Variants in SERPINE2 observed in about 807,000 individuals in gnomAD.
The protein encoded by SERPINE2 is serpin family E member 2, also known as glia-derived nexin.
In SERPINE2, 14 loss-of-function variants were observed where a neutral mutation model predicts 36.3. The observed-to-expected ratio is 0.39, with a 90% confidence interval of 0.25 to 0.60. The LOEUF (loss-of-function observed/expected upper bound fraction) is 0.60. Ranked by LOEUF, SERPINE2 falls within the 20% of genes least tolerant of loss-of-function variation. SERPINE2 has a pLI of 0.57. For missense variants in SERPINE2, 418 were observed against 499.6 expected (o/e 0.84, Z 1.56); for synonymous variants, 192 against 191.8 (o/e 1.00, Z -0.01).
chr2:223,997,665 G>A (rs1299195131), intron 3 of SERPINE2, among the ~76,000 whole-genome samples: 2 of 152,158 alleles, frequency 1.3e-5, no homozygotes, highest in Non-Finnish European at 2.9e-5. Flanking sequence ...CAATCATAAC[G>A]GACAACAGGG....
chr2:224,038,328 T>C (rs914957706), intron 1 of SERPINE2, among the ~76,000 whole-genome samples: 3 of 152,002 alleles, frequency 2.0e-5, no homozygotes, highest in Non-Finnish European at 2.9e-5. Context: ...AAAGAATGTG[T>C]TTCGTTCATT....
intron 1 of SERPINE2, among the ~76,000 whole-genome samples, chr2:224,037,395 G>A (rs1692569037): frequency 6.6e-6 from 1 of 152,206 alleles, no homozygotes; most frequent in Non-Finnish European, 1.5e-5. Context: ...CGGGTTGGAG[G>A]CACTAAGAGT....
chr2:224,028,825 GAT>G (rs1692270310), intron 1 of SERPINE2, among the ~76,000 whole-genome samples: 1 of 152,152 alleles, frequency 6.6e-6, no homozygotes, highest in Non-Finnish European at 1.5e-5. Context: ...AAAAGAATAA[GAT>G]ACTCCACTTG....
At chr2:223,995,647 T>C (rs988336618) in intron 3 of SERPINE2, among the ~76,000 whole-genome samples, 4 of 152,232 alleles carry the variant, frequency 2.6e-5, no homozygotes, top group Non-Finnish European at 5.9e-5. Context: ...TGCATCCTTT[T>C]CATGTATGCT....
chr2:224,001,945 A>G (rs778542581), intron 1 of SERPINE2, 23 bp from the exon 2 acceptor site: 5 of 1,577,676 alleles, frequency 3.2e-6, no homozygotes, highest in South Asian at 2.3e-5. Flanking sequence ...GTTAAAAAAT[A>G]TTTAAATTAT....
chr2:223,992,152 T>G (rs997343672), intron 3 of SERPINE2, 152 bp from the exon 4 acceptor site: 2 of 651,018 alleles, frequency 3.1e-6, no homozygotes, highest in Non-Finnish European at 5.2e-6. Flanking sequence ...TTTTGTACTT[T>G]CTAGGTTCCC....
intron 4 of SERPINE2, among the ~76,000 whole-genome samples, chr2:223,989,525 C>T (rs960140954): frequency 1.3e-5 from 2 of 152,190 alleles, no homozygotes; most frequent in Admixed American, 6.5e-5. Context: ...CTTGGGGACA[C>T]CACAAATGGC....
At chr2:224,016,781 C>T (rs1664305714) in intron 1 of SERPINE2, among the ~76,000 whole-genome samples, 1 of 152,146 alleles carries the variant, frequency 6.6e-6, no homozygotes, top group Non-Finnish European at 1.5e-5. Flanking sequence ...CCACAGACTA[C>T]TACTCAGTAA....
intron 1 of SERPINE2, among the ~76,000 whole-genome samples, chr2:224,016,350 A>G (rs765850043): frequency 1.3e-5 from 2 of 152,192 alleles, no homozygotes; most frequent in Non-Finnish European, 1.5e-5. Context: ...TACTAAAAAT[A>G]TAAAAATTAG....
intron 1 of SERPINE2, among the ~76,000 whole-genome samples, chr2:224,015,979 T>G (rs942309211): frequency 1.3e-5 from 2 of 152,224 alleles, no homozygotes; most frequent in Non-Finnish European, 2.9e-5. Flanking sequence ...CATGGATAGA[T>G]ATTCCATTAA....
chr2:224,036,737 C>G (rs76967123), intron 1 of SERPINE2, among the ~76,000 whole-genome samples: 4,556 of 151,400 alleles, frequency 0.03, 187 homozygotes, highest in African/African-American at 0.09. Context: ...ACAGGAAGGG[C>G]AGACCAGTTT....
At chr2:223,997,470 T>C (rs1010203786) in intron 3 of SERPINE2, among the ~76,000 whole-genome samples, 3 of 152,232 alleles carry the variant, frequency 2.0e-5, no homozygotes, top group African/African-American at 4.8e-5. Flanking sequence ...TCCACCCACC[T>C]TGGCCTCCCA....
At chr2:224,031,686 G>T (rs1025568282) in intron 1 of SERPINE2, among the ~76,000 whole-genome samples, 16 of 152,068 alleles carry the variant, frequency 1.1e-4, no homozygotes, top group African/African-American at 3.9e-4. Flanking sequence ...TCTGCCCACA[G>T]CCATTGGTAC....
At chr2:224,008,485 A>G (rs1469738197) in intron 1 of SERPINE2, among the ~76,000 whole-genome samples, 1 of 152,146 alleles carries the variant, frequency 6.6e-6, no homozygotes, top group African/African-American at 2.4e-5. Context: ...GTATCACTAT[A>G]AACTCGTGTT....
At chr2:224,001,977 CTTT>C (rs10706128) in intron 1 of SERPINE2, 55 bp from the exon 2 acceptor site, 183 of 1,198,016 alleles carry the variant, frequency 1.5e-4, no homozygotes, top group South Asian at 5.1e-4. Context: ...TACTTTACTA[CTTT>C]TTTTTTTTTT....
At chr2:224,038,557 C>G (rs1692604910) in intron 1 of SERPINE2, 1 of 1,542,488 alleles carries the variant, frequency 6.5e-7, no homozygotes, top group Non-Finnish European at 8.8e-7. Context: ...GACCTGCTCG[C>G]TCGGGTTAAA....
chr2:224,031,752 A>ACC (rs199826291), intron 1 of SERPINE2, among the ~76,000 whole-genome samples: 37 of 104,536 alleles, frequency 3.5e-4, no homozygotes, highest in African/African-American at 1.0e-3. Context: ...TAGGATTTCC[A>ACC]CCCCCCACCC....
At position 224,021,495 on chromosome 2, in the gene SERPINE2, TAAGAA is replaced by T. The variant is rs1382915659; in HGVS notation, c.-23+17599_-23+17603del. Among the ~76,000 whole-genome samples, 73 of 152,326 alleles carry T rather than the reference TAAGAA, an allele frequency of 4.8e-4. 1 individual carries two copies. Among genetic ancestry groups the T allele is most frequent in the African/African-American group, 2.4e-5 (1 of 41,572 alleles). ...ACAGATGACAGAAATCCTTAAGGAC[TAAGAA>T]AAGAGGTAGAATGTGACACATTGAG... On this transcript the variant is annotated intron_variant, in intron 1 of 8. Transcript: ENST00000409304.
At chr2:223,977,686 G>A in intron 7 of SERPINE2, 59 bp from the exon 8 acceptor site, 1 of 1,167,792 alleles carries the variant, frequency 8.6e-7, no homozygotes, top group Non-Finnish European at 1.3e-6. Flanking sequence ...TAAGCATAAG[G>A]CCAGCAAGTT....
Sources: allele counts gnomAD v4.1 joint callset (sites outside exome capture counted in the v4.1 genomes callset), GRCh38; gene constraint gnomAD v4.1.1; transcripts MANE v1.5; gene names NCBI Gene and HGNC (gene_info 2026-07-23, HGNC 2026-07-21).